HIBCH: variants seen among roughly 807,000 people sequenced by gnomAD.
HIBCH encodes 3-hydroxyisobutyryl-CoA hydrolase, also known as 3-hydroxyisobutyryl-CoA hydrolase, mitochondrial.
HIBCH carries 50 observed loss-of-function variants against 58.2 expected under a neutral mutation model. The ratio of observed to expected loss-of-function variants is 0.86; its 90% CI spans 0.68 to 1.09. HIBCH has a LOEUF of 1.09. Ranked by LOEUF, HIBCH falls within the 50% of genes least tolerant of loss-of-function variation. HIBCH has a pLI of 0.00. For synonymous variants in HIBCH, 151 were observed against 146.9 expected (o/e 1.03, Z -0.20); for missense variants, 450 against 449.7 (o/e 1.00, Z -0.01).
At chr2:190,218,146 G>A (rs947219527) in intron 11 of HIBCH, among the ~76,000 whole-genome samples, 2 of 146,740 alleles carry the variant, frequency 1.4e-5, no homozygotes, top group African/African-American at 2.5e-5. Context: ...GGGAATTTAC[G>A]GAACCAAAGG....
intron 11 of HIBCH, among the ~76,000 whole-genome samples, chr2:190,218,593 A>C (rs377738087): frequency 1.3e-5 from 2 of 152,252 alleles, no homozygotes; most frequent in South Asian, 2.1e-4. Context: ...TAAAAATTAA[A>C]AATATGGGGA....
At position 190,217,145 on chromosome 2, in the gene HIBCH, C is replaced by T. The variant is rs1685577122; in HGVS notation, c.892-4070G>A. ...GCCCGACCAAAGGCACCCTGGGAAG[C>T]CAGCTGGTCAGTCCCTTGCCTCCCC... On this transcript the variant is annotated intron_variant, in intron 11 of 13. Coordinates refer to ENST00000359678, the MANE Select transcript of HIBCH (RefSeq NM_014362.4). This position sits in a 1 kb window ranked among gnomAD's most constrained non-coding sequence, Gnocchi z 4.6. 6.6e-6 allele frequency among the ~76,000 whole-genome samples: 1 copy of T among 152,204 alleles called. No homozygotes were observed. The highest frequency in any genetic ancestry group is 2.1e-4 in the South Asian group (1 of 4,832).
At chr2:190,296,461 C>T (rs1485531645) in intron 3 of HIBCH, among the ~76,000 whole-genome samples, 3 of 151,316 alleles carry the variant, frequency 2.0e-5, no homozygotes, top group South Asian at 2.1e-4. Context: ...ATGAAAAGGC[C>T]GTCAGGTGGA....
At chr2:190,264,276 T>C (rs1456236953) in intron 6 of HIBCH, among the ~76,000 whole-genome samples, 1 of 150,340 alleles carries the variant, frequency 6.7e-6, no homozygotes, top group Non-Finnish European at 1.5e-5. Context: ...CTTTCTTTTT[T>C]CTTTCTTTTT....
intron 6 of HIBCH, among the ~76,000 whole-genome samples, chr2:190,282,834 C>T (rs1159380091): frequency 3.8e-5 from 4 of 105,008 alleles, no homozygotes; most frequent in African/African-American, 1.1e-4. Flanking sequence ...CTAGTTGTTA[C>T]GAGAAGGCCA....
intron 2 of HIBCH, among the ~76,000 whole-genome samples, chr2:190,300,003 CT>C (rs1406345160): frequency 2.0e-5 from 3 of 152,236 alleles, no homozygotes; most frequent in Admixed American, 2.0e-4. Flanking sequence ...TAGTCTTCTT[CT>C]TTTTTATGGC....
intron 1 of HIBCH, among the ~76,000 whole-genome samples, chr2:190,190,646 T>C (rs572489418): frequency 3.9e-5 from 6 of 152,332 alleles, no homozygotes; most frequent in Admixed American, 2.6e-4. Flanking sequence ...TTTAAAATGG[T>C]TGTACCATTT....
intron 11 of HIBCH, among the ~76,000 whole-genome samples, chr2:190,240,018 T>G (rs564938054): frequency 5.4e-4 from 83 of 152,332 alleles, no homozygotes; most frequent in African/African-American, 1.9e-3. Flanking sequence ...CCTCATAAAA[T>G]GAGTTAGGGA....
At chr2:190,231,794 C>T (rs919933639) in intron 11 of HIBCH, among the ~76,000 whole-genome samples, 2 of 152,014 alleles carry the variant, frequency 1.3e-5, no homozygotes, top group African/African-American at 4.8e-5. Context: ...GGAAATATGA[C>T]ATTATGTATA....
At chr2:190,301,350 A>T (rs1028056057) in intron 2 of HIBCH, among the ~76,000 whole-genome samples, 2 of 152,234 alleles carry the variant, frequency 1.3e-5, no homozygotes, top group African/African-American at 4.8e-5. Context: ...CTTCATCTCA[A>T]AAGAGAAGCA....
At chr2:190,266,737 A>C (rs940688222) in intron 6 of HIBCH, among the ~76,000 whole-genome samples, 38 of 151,562 alleles carry the variant, frequency 2.5e-4, no homozygotes, top group African/African-American at 9.2e-4. Context: ...CCTGGCCACA[A>C]AATGAGCCGT....
At chr2:190,311,094 A>G in intron 1 of HIBCH, 1 of 538,072 alleles carries the variant, frequency 1.9e-6, no homozygotes, top group Middle Eastern at 2.9e-4. Flanking sequence ...TTATTCAGCC[A>G]TGAAAAAAAG....
chr2:190,247,901 C>A (rs1686654462), intron 9 of HIBCH, among the ~76,000 whole-genome samples: 1 of 152,086 alleles, frequency 6.6e-6, no homozygotes, highest in African/African-American at 2.4e-5. Context: ...AAATGATGCT[C>A]CTGCACACTT....
At chr2:190,298,181 G>C (rs1300298903) in intron 2 of HIBCH, among the ~76,000 whole-genome samples, 1 of 152,142 alleles carries the variant, frequency 6.6e-6, no homozygotes, top group African/African-American at 2.4e-5. Context: ...TTGGCTCCAA[G>C]TCTTTGCTAT....
intron 2 of HIBCH, among the ~76,000 whole-genome samples, chr2:190,299,897 T>A (rs1044492462): frequency 8.5e-5 from 13 of 152,180 alleles, no homozygotes; most frequent in African/African-American, 2.9e-4. Flanking sequence ...TAGCTCCCAC[T>A]TATAAGTGAG....
chr2:190,290,600 T>C (rs1687935046), intron 4 of HIBCH, 115 bp from the exon 5 acceptor site: 1 of 730,066 alleles, frequency 1.4e-6, no homozygotes. Context: ...CTAAAATGAC[T>C]TGTTAAAAGT....
At position 190,300,880 on chromosome 2, in the gene HIBCH, G is replaced by A. The variant is rs1688239831; in HGVS notation, c.79-3927C>T. Among the ~76,000 whole-genome samples, 4 of 152,328 alleles carry A rather than the reference G, an allele frequency of 2.6e-5. No individual in the cohort carries two copies. The South Asian group carries it at 8.3e-4, about 32-fold the overall frequency. On this transcript the variant is annotated intron_variant, in intron 2 of 13. Coordinates refer to ENST00000359678, the MANE Select transcript of HIBCH (RefSeq NM_014362.4). ...TCCATTCTCTGCATCTGGCTAGCCA[G>A]TTATCCCAGCACCATTTATTGAATA... is the stretch of plus-strand genomic sequence containing the variant.
In HIBCH at chr2:190,306,103, A is replaced by G. The variant is rs1048448478; in HGVS notation, c.78+4651T>C. On this transcript the variant is annotated intron_variant, in intron 2 of 13. Coordinates refer to ENST00000359678, the MANE Select transcript of HIBCH (RefSeq NM_014362.4). This position sits in a 1 kb window ranked among gnomAD's most constrained non-coding sequence, Gnocchi z 4.6. ...GATAAAGCTGTCTTATTTTTTTTCT[A>G]TGTTTCTATGGTAAAACAAAACACA... Among the ~76,000 whole-genome samples, 2 of 152,066 alleles carry G rather than the reference A, an allele frequency of 1.3e-5. No homozygotes were observed. The highest frequency in any genetic ancestry group is 2.9e-5 in the Non-Finnish European group (2 of 68,002).
chr2:190,274,619 A>G (rs1226097069), intron 6 of HIBCH, among the ~76,000 whole-genome samples: 3 of 152,204 alleles, frequency 2.0e-5, no homozygotes, highest in African/African-American at 7.2e-5. Flanking sequence ...TGCTCCAACA[A>G]GACAGACCAA....
Sources: gnomAD v4.1 joint callset for allele counts (sites outside exome capture counted in the v4.1 genomes callset) on GRCh38, gnomAD v4.1.1 for gene constraint, Gnocchi (gnomAD v3.1) non-coding constraint, MANE v1.5 for transcripts, NCBI Gene and HGNC (gene_info 2026-07-23, HGNC 2026-07-21) for gene names.